The following RNF212B variants were observed in gnomAD, a reference collection of about 807,000 sequenced individuals.
RNF212B encodes the protein E3 ubiquitin-protein ligase RNF212B.
RNF212B carries 52 observed loss-of-function variants against 55.5 expected under a neutral mutation model. That is an observed-to-expected ratio of 0.94 (90% CI 0.75 to 1.18). The LOEUF is 1.18. RNF212B is among the 50% of genes most tolerant of loss of function. The pLI is 0.00. For missense variants in RNF212B, 289 were observed against 350.4 expected, an observed-to-expected ratio of 0.82 and a Z score of 1.40; for synonymous variants, 99 against 121.4, an observed-to-expected ratio of 0.82 and a Z score of 1.21.
At chr14:23,253,247 C>A (rs533449853) in intron 4 of RNF212B, among the ~76,000 whole-genome samples, 1 of 152,094 alleles carries the variant, frequency 6.6e-6, no homozygotes, top group Non-Finnish European at 1.5e-5. Context: ...TCACATTTCT[C>A]CAGTTGTCTC....
intron 1 of RNF212B, among the ~76,000 whole-genome samples, chr14:23,192,085 G>A: frequency 6.6e-6 from 1 of 150,702 alleles, no homozygotes; most frequent in Non-Finnish European, 1.5e-5. Flanking sequence ...TACACTGTTG[G>A]TAGGACTGTA....
At chr14:23,186,168 G>A (rs1877571499) in intron 1 of RNF212B, among the ~76,000 whole-genome samples, 1 of 152,046 alleles carries the variant, frequency 6.6e-6, no homozygotes, top group Non-Finnish European at 1.5e-5. Context: ...TTCAAAGGGA[G>A]CATTATTTAT....
rs971261225 is a variant in RNF212B at position 23,197,394 on chromosome 14, G to A, written c.-2+3993G>A. On this transcript the variant is annotated intron_variant, in intron 2 of 15. Coordinates refer to the RNF212B transcript ENST00000399910. ...ATACAAAAATTAGCCATGTGTGGTG[G>A]TACATGCCTGTAGTCCCAGCTACTT... is the stretch of plus-strand genomic sequence containing the variant. Among the ~76,000 whole-genome samples, 3 of 152,244 alleles carry A rather than the reference G, an allele frequency of 2.0e-5. No individual in the cohort carries two copies. In the East Asian group the frequency reaches 5.8e-4, roughly 29 times the overall value.
intron 2 of RNF212B, among the ~76,000 whole-genome samples, chr14:23,196,819 T>C (rs759197787): frequency 2.0e-5 from 3 of 152,166 alleles, no homozygotes; most frequent in Non-Finnish European, 2.9e-5. Flanking sequence ...TTCACTGCTA[T>C]TCATCCTTCT....
At chr14:23,192,076 A>T (rs1339073029) in intron 1 of RNF212B, among the ~76,000 whole-genome samples, 1 of 151,014 alleles carries the variant, frequency 6.6e-6, no homozygotes, top group Non-Finnish European at 1.5e-5. Context: ...GAACATTTTT[A>T]CACTGTTGGT....
chr14:23,198,594 T>G (rs963478499), intron 2 of RNF212B, among the ~76,000 whole-genome samples: 2 of 151,856 alleles, frequency 1.3e-5, no homozygotes, highest in Non-Finnish European at 2.9e-5. Flanking sequence ...GAGAATCACT[T>G]GAACCTGGGA....
At chr14:23,216,027 C>T (rs1055910837) in intron 2 of RNF212B, among the ~76,000 whole-genome samples, 3 of 152,038 alleles carry the variant, frequency 2.0e-5, no homozygotes, top group Non-Finnish European at 4.4e-5. Flanking sequence ...GGGCGGATCA[C>T]GAGATCAGGA....
chr14:23,212,042 A>G (rs1227893454), intron 2 of RNF212B, among the ~76,000 whole-genome samples: 4 of 152,192 alleles, frequency 2.6e-5, no homozygotes. Flanking sequence ...AAGAAAAATT[A>G]TATTAACAGA....
In RNF212B at chr14:23,259,030, T is replaced by A. The variant is rs900480488; in HGVS notation, c.344+366T>A. ...GACTCTGTTTCTAAAAAAAAAAAAA[T>A]TTTAAACAAAAATTAGCCAGACATG... On this transcript the variant is annotated intron_variant, in intron 5 of 14. Transcript: ENST00000430154. Among the ~76,000 whole-genome samples the A allele has an allele frequency of 9.3e-5, 14 of 150,550 alleles. No homozygotes were observed. The East Asian group carries it at 1.6e-3, about 17-fold the overall frequency.
At chr14:23,243,170 T>C in intron 2 of RNF212B, 86 bp from the exon 3 acceptor site, 3 of 923,476 alleles carry the variant, frequency 3.2e-6, no homozygotes, top group Non-Finnish European at 5.1e-6. Context: ...TTTGCTAGCA[T>C]ACTAGATTGT....
intron 2 of RNF212B, among the ~76,000 whole-genome samples, chr14:23,242,095 A>AAAG (rs1555316611): frequency 0.028 from 3,629 of 130,194 alleles, 213 homozygotes; most frequent in African/African-American, 0.092. Context: ...AAAAAAAAAA[A>AAAG]AAAAAAAAAA....
Position 23,255,942 on chromosome 14 carries a change from C to T in RNF212B, c.229-2607C>T, listed in dbSNP as rs545788029. On this transcript the variant is annotated intron_variant, in intron 4 of 14. Transcript: ENST00000430154. ...CTGGCATCAGGCAAAATCACTGCTT[C>T]TTTAATACTCCTTGCTGGTTGTTTT... Among the ~76,000 whole-genome samples the T allele has an allele frequency of 3.3e-5, 5 of 152,264 alleles. No homozygotes were observed. The East Asian group carries it at 9.7e-4, about 29-fold the overall frequency.
intron 2 of RNF212B, among the ~76,000 whole-genome samples, chr14:23,225,632 A>C (rs1420139517): frequency 2.0e-5 from 3 of 152,014 alleles, no homozygotes; most frequent in Admixed American, 6.6e-5. Context: ...TAGAGAATAG[A>C]AGGATGGTTA....
At chr14:23,241,988 A>C (rs2140437784) in intron 2 of RNF212B, among the ~76,000 whole-genome samples, 1 of 146,742 alleles carries the variant, frequency 6.8e-6, no homozygotes. Context: ...AGGCTGAGGC[A>C]GGAGAATGGT....
chr14:23,222,309 A>G (rs1881642537), intron 2 of RNF212B, among the ~76,000 whole-genome samples: 2 of 152,102 alleles, frequency 1.3e-5, no homozygotes, highest in African/African-American at 4.8e-5. Flanking sequence ...AGGAGACATA[A>G]CTAATACCAC....
chr14:23,248,900 C>T (rs2140450875), intron 4 of RNF212B, among the ~76,000 whole-genome samples: 1 of 152,264 alleles, frequency 6.6e-6, no homozygotes, highest in East Asian at 1.9e-4. Flanking sequence ...CCACAGCAGG[C>T]CAGTAAATAT....
chr14:23,216,567 TA>T (rs112463333), intron 2 of RNF212B, among the ~76,000 whole-genome samples: 2,093 of 140,834 alleles, frequency 0.015, 36 homozygotes, highest in African/African-American at 0.045. Context: ...TTATGCTAAG[TA>T]AAAAAAAAAA....
chr14:23,255,839 G>C (rs573269863), intron 4 of RNF212B, among the ~76,000 whole-genome samples: 4 of 152,184 alleles, frequency 2.6e-5, no homozygotes, highest in Admixed American at 2.6e-4. Context: ...TTAAAGTACT[G>C]TACTGAGGTA....
chr14:23,256,974 G>A (rs1884882132), intron 4 of RNF212B, among the ~76,000 whole-genome samples: 1 of 152,064 alleles, frequency 6.6e-6, no homozygotes, highest in South Asian at 2.1e-4. Flanking sequence ...CCAACATGGT[G>A]AAACCCTGTC....
Sources: allele counts gnomAD v4.1 joint callset (sites outside exome capture counted in the v4.1 genomes callset), GRCh38; gene constraint gnomAD v4.1.1; transcripts MANE v1.5; gene names NCBI Gene and HGNC (gene_info 2026-07-23, HGNC 2026-07-21).